Variants in ARHGAP21 observed in about 807,000 individuals in gnomAD.
ARHGAP21 encodes rho GTPase-activating protein 21.
ARHGAP21 carries 38 observed loss-of-function variants against 164.6 expected under a neutral mutation model. That is an observed-to-expected ratio of 0.23 (90% CI 0.18 to 0.30). ARHGAP21 has a LOEUF of 0.30. ARHGAP21 is among the 10% of genes least tolerant of loss of function. ARHGAP21 has a pLI of 1.00. For synonymous variants in ARHGAP21, 766 were observed against 857.9 expected, an observed-to-expected ratio of 0.89 and a Z score of 1.87; for missense variants, 1,822 against 2,370.7, an observed-to-expected ratio of 0.77 and a Z score of 4.81.
chr10:24,602,154 A>G lies in ARHGAP21; in HGVS notation c.2722-51T>C, dbSNP rs1225895993. 2.6e-6 allele frequency: 4 copies of G among 1,560,960 alleles called. No individual in the cohort carries two copies. The African/African-American group carries it at 5.5e-5, about 22-fold the overall frequency. Reference sequence around the variant, plus strand: ...AAAATGTCAGCATTTTCCTTTATAAATATTTGCACATGGAAACTGCTTTGT... The same window carrying G: ...AAAATGTCAGCATTTTCCTTTATAAGTATTTGCACATGGAAACTGCTTTGT... On this transcript the variant is annotated intron_variant, in intron 12 of 25. Transcript: ENST00000396432.
intron 24 of ARHGAP21, chr10:24,590,632 G>GA: frequency 7.2e-7 from 1 of 1,397,132 alleles, no homozygotes; most frequent in South Asian, 1.8e-5. Flanking sequence ...TTCATCAAAA[G>GA]AGCCTAGAAG....
chr10:24,606,229 A>C (rs1207535432), intron 11 of ARHGAP21, among the ~76,000 whole-genome samples: 3 of 152,274 alleles, frequency 2.0e-5, no homozygotes, highest in Admixed American at 2.0e-4. Flanking sequence ...CCACAGAAAA[A>C]ATTTTAAATA....
intron 2 of ARHGAP21, among the ~76,000 whole-genome samples, chr10:24,673,293 A>G (rs1451694454): frequency 6.6e-6 from 1 of 152,244 alleles, no homozygotes; most frequent in Non-Finnish European, 1.5e-5. Context: ...TTACAAAGCT[A>G]CAGTTATCAA....
chr10:24,590,997 A>G (rs919628596), intron 24 of ARHGAP21: 6 of 844,024 alleles, frequency 7.1e-6, no homozygotes, highest in Non-Finnish European at 8.6e-6. Flanking sequence ...TTTCCCTCAT[A>G]GTTCCATTCT....
rs375911281 is a variant in ARHGAP21 at position 24,587,684 on chromosome 10, CCT to C, written c.4183-1580_4183-1579del. 3.4e-4 allele frequency among the ~76,000 whole-genome samples: 52 copies of C among 152,298 alleles called. No homozygotes were observed. The East Asian group carries it at 9.6e-3, about 28-fold the overall frequency. ...TCAATTGGGAGACCTTGATGTCCAT[CCT>C]CTCTAGCTTGCTGGGTACGAGCAAG... On this transcript the variant is annotated intron_variant, in intron 25 of 25. Coordinates refer to ENST00000396432, the MANE Select transcript of ARHGAP21 (RefSeq NM_020824.4).
intron 2 of ARHGAP21, among the ~76,000 whole-genome samples, chr10:24,694,501 T>C (rs1188562851): frequency 1.3e-5 from 2 of 152,210 alleles, no homozygotes; most frequent in Non-Finnish European, 2.9e-5. Context: ...GGTACCTATG[T>C]GACCTGCCCC....
At chr10:24,690,943 A>G (rs1842721154) in intron 2 of ARHGAP21, among the ~76,000 whole-genome samples, 1 of 151,948 alleles carries the variant, frequency 6.6e-6, no homozygotes, top group South Asian at 2.1e-4. Flanking sequence ...TATAGTCTCC[A>G]GCGTCTTTAA....
rs757022071 is a variant in ARHGAP21 at position 24,585,843 on chromosome 10, G to A, written c.4446C>T (p.Asp1482=). ...IIAKENSTRK[D]PSTTKDEKIS... ...TCTTTTCATCTTTTGTCGTGCTGGG[G>A]TCTTTCCTAGTGCTGTTTTCTTTGG... The change falls in exon 26 of 26, where the codon GAC becomes GAT. Residue 1482 remains aspartate (D), a synonymous_variant. Transcript: ENST00000396432. 8 of 1,613,802 alleles carry A rather than the reference G, an allele frequency of 5.0e-6. No homozygotes were observed. The Admixed American group carries it at 6.7e-5, about 13-fold the overall frequency.
chr10:24,657,406 C>A, intron 4 of ARHGAP21, among the ~76,000 whole-genome samples: 1 of 73,310 alleles, frequency 1.4e-5, no homozygotes, highest in Non-Finnish European at 2.6e-5. Context: ...CCCGGCCAGC[C>A]GCCCCGTCCG....
At position 24,723,591 on chromosome 10, in the gene ARHGAP21, G is replaced by C. The variant is rs577265729; in HGVS notation, c.-410C>G. 3 of 146,458 alleles carry C rather than the reference G, an allele frequency of 2.0e-5. No homozygotes were observed. Among genetic ancestry groups the C allele is most frequent in the Non-Finnish European group, 4.6e-5 (3 of 65,680 alleles). 9.1% of individuals were successfully genotyped at this position (146,458 alleles called of 1,614,324 possible). A position where few individuals can be genotyped will look rare whatever the true frequency, so the allele number is the denominator to read the frequency against. On this transcript the variant is annotated 5_prime_UTR_variant, in exon 1 of 26. Coordinates refer to ENST00000396432, the MANE Select transcript of ARHGAP21 (RefSeq NM_020824.4). ...GGAAGCGGGACGAGTGGATCCGCAC[G>C]GGGCTGGCCGGCTCCGGGACAGCGC...
At chr10:24,671,789 C>T (rs1024196074) in intron 2 of ARHGAP21, among the ~76,000 whole-genome samples, 1 of 148,172 alleles carries the variant, frequency 6.7e-6, no homozygotes, top group Non-Finnish European at 1.5e-5. Flanking sequence ...GTGCCATGAT[C>T]ATAGTTCACT....
At chr10:24,616,550 T>C (rs1445220661) in intron 9 of ARHGAP21, among the ~76,000 whole-genome samples, 1 of 152,188 alleles carries the variant, frequency 6.6e-6, no homozygotes, top group Non-Finnish European at 1.5e-5. Flanking sequence ...CAATTTAACT[T>C]AGGGCTAACC....
At chr10:24,714,213 C>T (rs1357966922) in intron 2 of ARHGAP21, 1 of 152,144 alleles carries the variant, frequency 6.6e-6, no homozygotes, top group Non-Finnish European at 1.5e-5. Context: ...CTAGCATTGC[C>T]CATACTTAAA....
intron 21 of ARHGAP21, among the ~76,000 whole-genome samples, chr10:24,594,614 C>T (rs1342015559): frequency 1.9e-5 from 2 of 105,638 alleles, no homozygotes; most frequent in African/African-American, 6.7e-5. Context: ...GTCTGTTTTC[C>T]CTGTATTCTA....
chr10:24,720,372 A>G (rs1198199251), intron 2 of ARHGAP21, among the ~76,000 whole-genome samples: 1 of 152,196 alleles, frequency 6.6e-6, no homozygotes, highest in Non-Finnish European at 1.5e-5. Context: ...AATACATATT[A>G]TTATGTAACT....
rs1168496455 is a variant in ARHGAP21, at chr10:24,628,782, T to TAC, written c.495+1212_495+1213dup. ...GTGTGTGTGTGTGTGCATATATATATACACACATATATACACATATATACA... is the reference window on the plus strand; with the variant it reads ...GTGTGTGTGTGTGTGCATATATATATACACACACATATATACACATATATACA... On this transcript the variant is annotated intron_variant, in intron 7 of 25. Transcript: ENST00000396432. 6.1e-4 allele frequency among the ~76,000 whole-genome samples: 84 copies of TAC among 136,620 alleles called. 1 individual carries two copies. The highest frequency in any genetic ancestry group is 1.5e-3 in the African/African-American group (55 of 36,906). The allele number at this position is 136,620 out of a possible 152,430, so 89.6% of individuals were successfully genotyped here.
chr10:24,611,253 G>T (rs547095667), intron 9 of ARHGAP21, among the ~76,000 whole-genome samples: 2 of 152,154 alleles, frequency 1.3e-5, no homozygotes, highest in Non-Finnish European at 2.9e-5. Context: ...GTATCTCTAG[G>T]ATTCAATACA....
chr10:24,705,849 T>C (rs983152023), intron 2 of ARHGAP21, among the ~76,000 whole-genome samples: 6 of 152,240 alleles, frequency 3.9e-5, no homozygotes, highest in African/African-American at 1.4e-4. Flanking sequence ...GAAGCCATTA[T>C]GCTGAATTTG....
At chr10:24,639,529 G>A (rs1483332277) in intron 4 of ARHGAP21, among the ~76,000 whole-genome samples, 1 of 152,126 alleles carries the variant, frequency 6.6e-6, no homozygotes, top group Non-Finnish European at 1.5e-5. Flanking sequence ...AGATGATCTT[G>A]GGTACACAGA....
Sources: allele counts gnomAD v4.1 joint callset (sites outside exome capture counted in the v4.1 genomes callset), GRCh38; gene constraint gnomAD v4.1.1; transcripts MANE v1.5; gene names NCBI Gene and HGNC (gene_info 2026-07-23, HGNC 2026-07-21).